KLF17: variants seen among roughly 807,000 people sequenced by gnomAD.
KLF17 encodes KLF transcription factor 17, also known as Krueppel-like factor 17.
KLF17 carries 31 observed loss-of-function variants against 34.2 expected under a neutral mutation model. The ratio of observed to expected loss-of-function variants is 0.91; its 90% CI spans 0.68 to 1.22. KLF17 has a LOEUF of 1.22. KLF17 is among the 50% of genes most tolerant of loss of function. The probability of loss-of-function intolerance (pLI) is 0.00; values close to 1 mark genes in which losing one functional copy is unlikely to be tolerated. For missense variants in KLF17, 478 were observed against 505.2 expected, an observed-to-expected ratio of 0.95 and a Z score of 0.52; for synonymous variants, 179 against 186.7, an observed-to-expected ratio of 0.96 and a Z score of 0.34.
At chr1:44,092,810 C>A in the KLF17 span, among the ~76,000 whole-genome samples, 7 of 151,686 alleles carry the variant, frequency 4.6e-5, no homozygotes, top group Admixed American at 4.6e-4. Context: ...GACTTGACCA[C>A]TATGTAATCT....
the KLF17 span, among the ~76,000 whole-genome samples, chr1:44,090,042 C>G: frequency 3.4e-5 from 5 of 149,208 alleles, no homozygotes; most frequent in Non-Finnish European, 7.4e-5. Context: ...GGAGCTGATG[C>G]GGGAGGATCC....
At chr1:44,048,039 T>TGTGTGTGTGTGTGTGC in the KLF17 span, 1 of 146,780 alleles carries the variant, frequency 6.8e-6, no homozygotes, top group Non-Finnish European at 1.5e-5. Context: ...TGTGTGTGTG[T>TGTGTGTGTGTGTGTGC]GCACGTGCAC....
chr1:44,122,243 C>T, intron 1 of KLF17: 1 of 1,605,012 alleles, frequency 6.2e-7, no homozygotes. Flanking sequence ...CTTCCCTTTT[C>T]TTAGATTTCA....
chr1:44,103,464 CTGAGGCCGGGGCTCG>C, the KLF17 span: 11 of 859,444 alleles, frequency 1.3e-5, no homozygotes, highest in East Asian at 2.4e-4. Flanking sequence ...CAGACCGTAG[CTGAGGCCGGGGCTCG>C]TGAGGCCCCC....
the KLF17 span, chr1:44,052,144 G>A: frequency 3.3e-5 from 5 of 152,212 alleles, no homozygotes; most frequent in Non-Finnish European, 5.9e-5. Context: ...CTGAGCCTTA[G>A]GCATTACCTG....
chr1:44,062,086 T>C, the KLF17 span, among the ~76,000 whole-genome samples: 1 of 152,204 alleles, frequency 6.6e-6, no homozygotes, highest in Non-Finnish European at 1.5e-5. Flanking sequence ...AATTCTTTCC[T>C]GAGTGAAGCC....
chr1:44,098,157 T>A, the KLF17 span, among the ~76,000 whole-genome samples: 1 of 152,098 alleles, frequency 6.6e-6, no homozygotes, highest in Admixed American at 6.6e-5. Flanking sequence ...AGTTTGTTTA[T>A]TCAGGTTTAG....
intron 1 of KLF17, among the ~76,000 whole-genome samples, chr1:44,128,000 G>A (rs1441655646): frequency 1.3e-5 from 2 of 151,820 alleles, no homozygotes; most frequent in Non-Finnish European, 2.9e-5. Flanking sequence ...CCCAATTGAA[G>A]AGTGAATAGG....
At chr1:44,130,486 T>C (rs1557733978) in intron 2 of KLF17, 26 bp from the exon 3 acceptor site, 3 of 1,613,808 alleles carry the variant, frequency 1.9e-6, no homozygotes, top group Non-Finnish European at 2.5e-6. Context: ...GTATTCTAAA[T>C]TCCATCTCTC....
the KLF17 span, chr1:44,110,624 G>A: frequency 6.6e-6 from 1 of 152,156 alleles, no homozygotes; most frequent in Non-Finnish European, 1.5e-5. Flanking sequence ...AACCCTGGAG[G>A]TGGAGGTTGC....
intron 3 of KLF17, among the ~76,000 whole-genome samples, chr1:44,132,477 C>T (rs2088122981): frequency 6.6e-6 from 1 of 152,148 alleles, no homozygotes; most frequent in Non-Finnish European, 1.5e-5. Flanking sequence ...CTACTGTGAC[C>T]TCTGCAAGGC....
the KLF17 span, among the ~76,000 whole-genome samples, chr1:44,061,447 A>G: frequency 1.3e-5 from 2 of 152,182 alleles, no homozygotes; most frequent in Non-Finnish European, 2.9e-5. Context: ...GAAACAGGGA[A>G]GAGGCAAAAT....
upstream of KLF17, chr1:44,115,324 G>T (rs570524557): frequency 6.6e-6 from 1 of 151,860 alleles, no homozygotes; most frequent in Non-Finnish European, 1.5e-5. Flanking sequence ...GGTGGCAGGC[G>T]CCTGTAGTCA....
At chr1:44,122,749 C>T (rs1276913330) in intron 1 of KLF17, among the ~76,000 whole-genome samples, 1 of 152,166 alleles carries the variant, frequency 6.6e-6, no homozygotes, top group South Asian at 2.1e-4. Context: ...AGGCATGCAC[C>T]ACCACGCCCG....
chr1:44,099,943 A>C, the KLF17 span, among the ~76,000 whole-genome samples: 2 of 138,340 alleles, frequency 1.4e-5, no homozygotes, highest in Non-Finnish European at 3.2e-5. Flanking sequence ...AGGGAGGGAG[A>C]CAAAGAGACT....
Position 44,129,489 on chromosome 1 carries a change from T to C in KLF17, c.218T>C (p.Val73Ala). ...HSAEMLGSPL[V>A]SVEAPGQNVN... ...GCAGAGATGCTGGGGTCCCCTTTGGTGTCTGTTGAGGCGCCGGGGCAGAAT... is the reference window on the plus strand; with the variant it reads ...GCAGAGATGCTGGGGTCCCCTTTGGCGTCTGTTGAGGCGCCGGGGCAGAAT... Residue 73 changes from valine (V) to alanine (A), a missense_variant, in exon 2 of 4, where the codon GTG (valine) becomes GCG (alanine). Transcript: ENST00000372299. 11 of 1,612,296 alleles carry C rather than the reference T, an allele frequency of 6.8e-6. No individual in the cohort carries two copies. The highest frequency in any genetic ancestry group is 7.6e-6 in the Non-Finnish European group (9 of 1,178,986).
chr1:44,099,849 G>GAAAGAAAGAAAGAAAGAAAGAAAGAAAA, the KLF17 span, among the ~76,000 whole-genome samples: 2 of 34,796 alleles, frequency 5.7e-5, no homozygotes, highest in African/African-American at 2.5e-4. Context: ...AAGAAAGAAA[G>GAAAGAAAGAAAGAAAGAAAGAAAGAAAA]AAAGAAAGAA....
At chr1:44,094,524 G>A in the KLF17 span, among the ~76,000 whole-genome samples, 2 of 152,170 alleles carry the variant, frequency 1.3e-5, no homozygotes, top group Non-Finnish European at 2.9e-5. Flanking sequence ...TTTTGTGTAT[G>A]ATGAGGGATA....
chr1:44,115,886 A>G (rs1463921771), upstream of KLF17: 2 of 152,102 alleles, frequency 1.3e-5, no homozygotes, highest in Non-Finnish European at 2.9e-5. Context: ...AATTTTATGT[A>G]TTTATTTTAT....
Sources: gnomAD v4.1 joint callset for allele counts (sites outside exome capture counted in the v4.1 genomes callset) on GRCh38, gnomAD v4.1.1 for gene constraint, MANE v1.5 for transcripts, NCBI Gene and HGNC (gene_info 2026-07-23, HGNC 2026-07-21) for gene names.